Variants in SLC6A19 observed in about 807,000 individuals in gnomAD.
The protein encoded by SLC6A19 is solute carrier family 6 member 19.
SLC6A19 carries 67 observed loss-of-function variants against 68.3 expected under a neutral mutation model. The observed-to-expected ratio is 0.98, with a 90% CI of 0.81 to 1.20. The LOEUF is 1.20. SLC6A19 is among the 50% of genes most tolerant of loss of function. The pLI is 0.00. For synonymous variants in SLC6A19, 392 were observed against 374.9 expected (o/e 1.05, Z -0.53); for missense variants, 813 against 851.6 (o/e 0.95, Z 0.56).
chr5:1,212,543 G>A lies in SLC6A19; in HGVS notation c.663+59G>A, dbSNP rs774339257. 128 of 1,586,538 alleles carry A rather than the reference G, an allele frequency of 8.1e-5. No individual in the cohort carries two copies. Among genetic ancestry groups the A allele is most frequent in the Non-Finnish European group, 1.0e-4 (121 of 1,169,728 alleles). On this transcript the variant is annotated intron_variant, in intron 4 of 11. Coordinates refer to ENST00000304460, the MANE Select transcript of SLC6A19 (RefSeq NM_001003841.3). This position sits in a 1 kb window ranked among gnomAD's most constrained non-coding sequence, Gnocchi z 5.1. ...CCAGAGGGCGGGTGCGGGCAGCCCT[G>A]CCTCCGGCCGGCTGCACTCTAAAAC...
chr5:1,216,911 TC>T lies in SLC6A19; in HGVS notation c.1141del (p.Gln381ArgfsTer95). The T allele has an allele frequency of 6.2e-7, 1 of 1,613,474 alleles. No homozygotes were observed. The highest frequency in any genetic ancestry group is 8.5e-7 in the Non-Finnish European group (1 of 1,180,026). On this transcript the variant is annotated frameshift_variant, in exon 8 of 12. Coordinates refer to ENST00000304460, the MANE Select transcript of SLC6A19 (RefSeq NM_001003841.3). LOFTEE classifies it high-confidence loss of function. Reference sequence around the variant, plus strand: ...CCCGCGGCCTACGCGCAGCTGGTGTTCCAGACCTGCGACATCAACGCCTTCC... The same window carrying T: ...CCCGCGGCCTACGCGCAGCTGGTGTTCAGACCTGCGACATCAACGCCTTCC... ...SDPAAYAQLV[F>X]QTCDINAFLS... is the part of the protein sequence containing the mutation.
rs1348746913 is a variant in SLC6A19, at chr5:1,212,996, A to G, written c.664-467A>G. On this transcript the variant is annotated intron_variant, in intron 4 of 11. Transcript: ENST00000304460. The surrounding 1 kb of genome is among the most constrained non-coding windows in gnomAD (Gnocchi z 5.1). ...ACGGCCCCCCTCCGCACCATCCCAA[A>G]TACCCAGGCTCCCGCAGGCCCTGCC... 2.3e-5 allele frequency among the ~76,000 whole-genome samples: 2 copies of G among 88,000 alleles called. No individual in the cohort carries two copies. Among genetic ancestry groups the G allele is most frequent in the Non-Finnish European group, 4.6e-5 (2 of 43,898 alleles). 57.7% of individuals were successfully genotyped at this position (88,000 alleles called of 152,430 possible). A position where few individuals can be genotyped will look rare whatever the true frequency, so the allele number is the denominator to read the frequency against.
intron 1 of SLC6A19, among the ~76,000 whole-genome samples, chr5:1,208,495 G>A (rs532295893): frequency 5.9e-5 from 9 of 152,274 alleles, no homozygotes; most frequent in East Asian, 3.9e-4. Context: ...CGACAGCAAC[G>A]TCCAGAGGTC....
At position 1,221,844 on chromosome 5, in the gene SLC6A19, C is replaced by A. The variant is rs906863909; in HGVS notation, c.1845C>A (p.Asp615Glu). 7 of 1,614,050 alleles carry A rather than the reference C, an allele frequency of 4.3e-6. No homozygotes were observed. The highest frequency in any genetic ancestry group is 5.9e-6 in the Non-Finnish European group (7 of 1,180,058). The change falls in exon 12 of 12, where the codon GAC becomes GAA. Residue 615 changes from aspartate to glutamate, a missense_variant. Coordinates refer to ENST00000304460, the MANE Select transcript of SLC6A19 (RefSeq NM_001003841.3). ...GGAACCACTGCCAGAAGCCAGGGGA[C>A]CATCAGGGGCTGGTGAGCACACTGT... The part of the protein sequence containing the change: ...LIRNHCQKPG[D>E]HQGLVSTLST...
Position 1,219,493 on chromosome 5 carries a change from C to T in SLC6A19, c.1379-12C>T. The T allele has an allele frequency of 6.2e-7, 1 of 1,609,938 alleles. No individual in the cohort carries two copies. The highest frequency in any genetic ancestry group is 1.3e-5 in the African/African-American group (1 of 75,054). On this transcript the variant is annotated splice_polypyrimidine_tract_variant and intron_variant, in intron 9 of 11. Coordinates refer to ENST00000304460, the MANE Select transcript of SLC6A19 (RefSeq NM_001003841.3). Reference sequence around the variant, plus strand: ...CCTGGGCGTGTGAGCAGCTCTGTCCCCCGGCCTGCAGGCCTCATCTGCCTG... The same window carrying T: ...CCTGGGCGTGTGAGCAGCTCTGTCCTCCGGCCTGCAGGCCTCATCTGCCTG...
chr5:1,221,108 C>T (rs1206495312), intron 10 of SLC6A19, 43 bp from the exon 11 acceptor site: 2 of 1,604,104 alleles, frequency 1.2e-6, no homozygotes, highest in Non-Finnish European at 1.7e-6. Context: ...CGAGTTGAAG[C>T]CCAGCTGGTA....
At chr5:1,220,227 C>T (rs1341281555) in intron 10 of SLC6A19, among the ~76,000 whole-genome samples, 1 of 151,846 alleles carries the variant, frequency 6.6e-6, no homozygotes, top group Non-Finnish European at 1.5e-5. Flanking sequence ...CTGGCCAACG[C>T]GATGAAACGC....
chr5:1,210,423 T>TCAG, intron 2 of SLC6A19, 21 bp from the exon 3 acceptor site: 1 of 1,612,144 alleles, frequency 6.2e-7, no homozygotes, highest in Non-Finnish European at 8.5e-7. Context: ...GCCCCAAGCC[T>TCAG]CAGCAGCAGC....
Position 1,212,376 on chromosome 5 carries a change from G to A in SLC6A19, c.555G>A (p.Thr185=), listed in dbSNP as rs115871703. 989 of 1,613,464 alleles carry A rather than the reference G, an allele frequency of 6.1e-4. 3 individuals are homozygous for A. The African/African-American group carries it at 8.7e-3, about 14-fold the overall frequency. Residue 185 remains threonine (T), a synonymous_variant, in exon 4 of 12, where the codon ACG becomes ACA. Transcript: ENST00000304460. The surrounding 1 kb of genome is among the most constrained non-coding windows in gnomAD (Gnocchi z 5.1). ...ACCGAGAGACGCTCAACATCTCCAC[G>A]TCCATCAGCGACTCGGGCTCCATCC... ...FWYRETLNIS[T]SISDSGSIQW...
At position 1,219,534 on chromosome 5, in the gene SLC6A19, G is replaced by A. The variant is rs1746307769; in HGVS notation, c.1408G>A (p.Gly470Ser). ...CATCTGCCTGGGGACATTCCTCATT[G>A]GCTTCATCTTCACGCTGAACTCCGG... ...GLICLGTFLIGFIFTLNSGQY... is the reference protein window; with the variant it reads ...GLICLGTFLISFIFTLNSGQY... Residue 470 changes from glycine to serine, a missense_variant, in exon 10 of 12, where the codon GGC becomes AGC. Transcript: ENST00000304460. 1.2e-6 allele frequency: 2 copies of A among 1,612,214 alleles called. No homozygotes were observed. Among genetic ancestry groups the A allele is most frequent in the African/African-American group, 1.3e-5 (1 of 74,942 alleles).
chr5:1,221,406 TAC>T (rs577951602), intron 11 of SLC6A19, 93 bp downstream of exon 11: 997 of 1,470,204 alleles, frequency 6.8e-4, no homozygotes, highest in Non-Finnish European at 8.4e-4. Flanking sequence ...GCACACACAA[TAC>T]ACACACCCAC....
At position 1,212,705 on chromosome 5, in the gene SLC6A19, AG is replaced by A. The variant is rs1266190890; in HGVS notation, c.663+223del. On this transcript the variant is annotated intron_variant, in intron 4 of 11. Coordinates refer to ENST00000304460, the MANE Select transcript of SLC6A19 (RefSeq NM_001003841.3). The surrounding 1 kb of genome is among the most constrained non-coding windows in gnomAD (Gnocchi z 5.1). ...CTGAAATGACCAGACTTGGGGCTCC[AG>A]GAACTTGACGTTGGCCCACACGACA... Among the ~76,000 whole-genome samples the A allele has an allele frequency of 5.9e-5, 9 of 152,076 alleles. No individual in the cohort carries two copies. The South Asian group carries it at 1.7e-3, about 28-fold the overall frequency.
chr5:1,218,785 A>G, intron 8 of SLC6A19, 118 bp from the exon 9 acceptor site: 1 of 994,710 alleles, frequency 1.0e-6, no homozygotes, highest in Non-Finnish European at 1.5e-6. Flanking sequence ...CTATTTCATG[A>G]CAGCTCAGAC....
chr5:1,206,626 G>A (rs1745859332), intron 1 of SLC6A19, among the ~76,000 whole-genome samples: 1 of 152,144 alleles, frequency 6.6e-6, no homozygotes, highest in African/African-American at 2.4e-5. Context: ...GGGAAGGAGG[G>A]TGAGGGTGCC....
intron 1 of SLC6A19, among the ~76,000 whole-genome samples, chr5:1,207,600 C>G (rs1476384918): frequency 1.3e-5 from 2 of 152,226 alleles, no homozygotes; most frequent in Non-Finnish European, 1.5e-5. Context: ...GATTCTGAGC[C>G]TCTGCGCCTG....
chr5:1,203,539 C>T (rs567476043), intron 1 of SLC6A19, among the ~76,000 whole-genome samples: 1 of 152,336 alleles, frequency 6.6e-6, no homozygotes, highest in East Asian at 1.9e-4. Context: ...CCCTTCTCCC[C>T]AGACCCCAGA....
chr5:1,215,908 T>G lies in SLC6A19; in HGVS notation c.888-650T>G, dbSNP rs930402835. Among the ~76,000 whole-genome samples the G allele has an allele frequency of 6.6e-6, 1 of 152,184 alleles. No homozygotes were observed. Among genetic ancestry groups the G allele is most frequent in the African/African-American group, 2.4e-5 (1 of 41,442 alleles). Reference sequence around the variant, plus strand: ...ACCAACACTTGTTATTGTCTGACTTTTGTTTCTGGCCATCCCAGCAGGGGT... The same window carrying G: ...ACCAACACTTGTTATTGTCTGACTTGTGTTTCTGGCCATCCCAGCAGGGGT... On this transcript the variant is annotated intron_variant, in intron 6 of 11. Transcript: ENST00000304460. The surrounding 1 kb of genome is among the most constrained non-coding windows in gnomAD (Gnocchi z 5.1).
At chr5:1,211,530 G>A (rs949694455) in intron 3 of SLC6A19, among the ~76,000 whole-genome samples, 1 of 152,256 alleles carries the variant, frequency 6.6e-6, no homozygotes, top group African/African-American at 2.4e-5. Flanking sequence ...GTGCACCTGT[G>A]TAGGAATGTG....
chr5:1,214,518 C>A lies in SLC6A19; in HGVS notation c.887+453C>A, dbSNP rs1365191823. Among the ~76,000 whole-genome samples the A allele has an allele frequency of 1.3e-5, 2 of 152,206 alleles. No homozygotes were observed. Among genetic ancestry groups the A allele is most frequent in the East Asian group, 3.9e-4 (2 of 5,194 alleles). On this transcript the variant is annotated intron_variant, in intron 6 of 11. Transcript: ENST00000304460. The surrounding 1 kb of genome is among the most constrained non-coding windows in gnomAD (Gnocchi z 7.4). ...CTTCCCAATGCCCCTGGGAAGGATGCATACCCTGGAGTCCCCAGCAGCGTC... is the reference window on the plus strand; with the variant it reads ...CTTCCCAATGCCCCTGGGAAGGATGAATACCCTGGAGTCCCCAGCAGCGTC...
Sources: gnomAD v4.1 joint callset for allele counts (sites outside exome capture counted in the v4.1 genomes callset) on GRCh38, gnomAD v4.1.1 for gene constraint, Gnocchi (gnomAD v3.1) non-coding constraint, MANE v1.5 for transcripts, NCBI Gene and HGNC (gene_info 2026-07-23, HGNC 2026-07-21) for gene names.